The following ANKS1B variants were observed in gnomAD, a reference collection of about 807,000 sequenced individuals.
The protein encoded by ANKS1B is ankyrin repeat and sterile alpha motif domain-containing protein 1B.
ANKS1B carries 36 observed loss-of-function variants against 148.3 expected under a neutral mutation model. The ratio of observed to expected loss-of-function variants is 0.24; its 90% CI spans 0.19 to 0.32. The LOEUF is 0.32. ANKS1B is among the 10% of genes least tolerant of loss of function. The probability of loss-of-function intolerance (pLI) is 1.00; values close to 1 mark genes in which losing one functional copy is unlikely to be tolerated. For synonymous variants in ANKS1B, 542 were observed against 560.8 expected (o/e 0.97, Z 0.47); for missense variants, 1,157 against 1,542.6 (o/e 0.75, Z 4.19).
chr12:99,216,520 T>C (rs993175722), intron 14 of ANKS1B, among the ~76,000 whole-genome samples: 1 of 151,822 alleles, frequency 6.6e-6, no homozygotes, highest in Non-Finnish European at 1.5e-5. Flanking sequence ...TATAATTTTC[T>C]TTTCTAGTTG....
intron 17 of ANKS1B, among the ~76,000 whole-genome samples, chr12:99,011,403 G>A (rs2099939327): frequency 6.6e-6 from 1 of 152,178 alleles, no homozygotes; most frequent in South Asian, 2.1e-4. Context: ...CCGCAGAATA[G>A]CTATTTTGGA....
chr12:99,892,639 A>G (rs2093173634), intron 1 of ANKS1B, among the ~76,000 whole-genome samples: 2 of 152,166 alleles, frequency 1.3e-5, no homozygotes, highest in African/African-American at 4.8e-5. Flanking sequence ...GGAACTGAAC[A>G]CCAAGGAATA....
intron 12 of ANKS1B, among the ~76,000 whole-genome samples, chr12:99,369,519 T>C (rs1272815647): frequency 1.3e-5 from 2 of 152,018 alleles, no homozygotes; most frequent in Admixed American, 6.6e-5. Flanking sequence ...TTGGGGAAAA[T>C]TGGATAAATT....
At chr12:99,375,238 C>T (rs371961868) in intron 12 of ANKS1B, among the ~76,000 whole-genome samples, 1 of 152,150 alleles carries the variant, frequency 6.6e-6, no homozygotes, top group African/African-American at 2.4e-5. Context: ...TTTCAGCAGC[C>T]CTGGTCTGTA....
At chr12:99,318,634 T>C (rs769883168) in intron 12 of ANKS1B, among the ~76,000 whole-genome samples, 1 of 152,216 alleles carries the variant, frequency 6.6e-6, no homozygotes, top group African/African-American at 2.4e-5. Flanking sequence ...CCTGGATTCA[T>C]TGATTTTTTG....
chr12:99,568,037 C>G (rs1453680278), intron 9 of ANKS1B, among the ~76,000 whole-genome samples: 2 of 152,084 alleles, frequency 1.3e-5, no homozygotes, highest in Non-Finnish European at 2.9e-5. Context: ...AGATTACAGT[C>G]CTGTTGTATT....
chr12:99,902,578 T>C (rs1016779686), intron 1 of ANKS1B, among the ~76,000 whole-genome samples: 1 of 152,040 alleles, frequency 6.6e-6, no homozygotes, highest in Admixed American at 6.6e-5. Flanking sequence ...GTTAAGAGGA[T>C]GGATGGAAGA....
At chr12:99,578,936 T>C (rs760585097) in intron 9 of ANKS1B, among the ~76,000 whole-genome samples, 48 of 152,150 alleles carry the variant, frequency 3.2e-4, no homozygotes, top group Non-Finnish European at 6.3e-4. Flanking sequence ...ATACATTACC[T>C]GACTTTAAAC....
At chr12:98,907,391 C>A (rs1161533388) in intron 17 of ANKS1B, among the ~76,000 whole-genome samples, 1 of 152,204 alleles carries the variant, frequency 6.6e-6, no homozygotes, top group East Asian at 1.9e-4. Flanking sequence ...TGCCGTCCTG[C>A]CTTCCTGGGA....
rs1480020946 is a variant in ANKS1B at position 99,434,668 on chromosome 12, A to T, written c.1575+9005T>A. ...TAATCAATATTTCCTCATCTTTATA[A>T]TGATTCATTTGCATCTCTTCCAAAA... On this transcript the variant is annotated intron_variant, in intron 11 of 26. Transcript: ENST00000683438. 5.9e-5 allele frequency among the ~76,000 whole-genome samples: 9 copies of T among 152,174 alleles called. No individual in the cohort carries two copies. The East Asian group carries it at 1.5e-3, about 26-fold the overall frequency.
At chr12:99,275,153 T>C (rs1049458839) in intron 12 of ANKS1B, among the ~76,000 whole-genome samples, 3 of 152,218 alleles carry the variant, frequency 2.0e-5, no homozygotes, top group African/African-American at 7.2e-5. Context: ...GAAGGATAAA[T>C]GGTGTATCCA....
chr12:99,556,906 G>C (rs1261433615), intron 9 of ANKS1B, among the ~76,000 whole-genome samples: 1 of 152,202 alleles, frequency 6.6e-6, no homozygotes, highest in African/African-American at 2.4e-5. Context: ...CAGATCAGAA[G>C]AATGTATATT....
At chr12:99,772,616 C>A (rs1013506160) in intron 8 of ANKS1B, 2 of 192,210 alleles carry the variant, frequency 1.0e-5, no homozygotes, top group Non-Finnish European at 2.1e-5. Flanking sequence ...TTTTGGGAAC[C>A]AACATCATTA....
chr12:99,263,103 T>C (rs2076092503), intron 12 of ANKS1B, among the ~76,000 whole-genome samples: 1 of 152,070 alleles, frequency 6.6e-6, no homozygotes, highest in East Asian at 1.9e-4. Flanking sequence ...GGTATTCCCA[T>C]TTCGTAGGTG....
At chr12:99,829,830 A>G (rs1431257636) in intron 1 of ANKS1B, among the ~76,000 whole-genome samples, 1 of 152,178 alleles carries the variant, frequency 6.6e-6, no homozygotes, top group Non-Finnish European at 1.5e-5. Flanking sequence ...ATTCGGTCTC[A>G]AAAAACAAAA....
chr12:99,931,077 C>G (rs555919342), intron 1 of ANKS1B, among the ~76,000 whole-genome samples: 1 of 152,140 alleles, frequency 6.6e-6, no homozygotes, highest in African/African-American at 2.4e-5. Context: ...TCATTCTCAG[C>G]AAACTATCAC....
chr12:99,717,306 G>C (rs369451218), intron 8 of ANKS1B, among the ~76,000 whole-genome samples: 3 of 152,318 alleles, frequency 2.0e-5, no homozygotes, highest in East Asian at 1.9e-4. Context: ...TAATAGGGTA[G>C]AGGCAGCCAA....
chr12:99,320,217 T>C (rs1288333352), intron 12 of ANKS1B, among the ~76,000 whole-genome samples: 1 of 152,198 alleles, frequency 6.6e-6, no homozygotes, highest in African/African-American at 2.4e-5. Flanking sequence ...TCTCTGTATC[T>C]CCTGAATTTG....
intron 1 of ANKS1B, among the ~76,000 whole-genome samples, chr12:99,944,660 T>C (rs907138450): frequency 4.6e-5 from 7 of 152,156 alleles, no homozygotes; most frequent in Middle Eastern, 3.2e-3. Flanking sequence ...GCAGGACCTC[T>C]CCAAGATTCT....
Sources: gnomAD v4.1 joint callset for allele counts (sites outside exome capture counted in the v4.1 genomes callset) on GRCh38, gnomAD v4.1.1 for gene constraint, MANE v1.5 for transcripts, NCBI Gene and HGNC (gene_info 2026-07-23, HGNC 2026-07-21) for gene names.